Variants in ESRRG observed in about 807,000 individuals in gnomAD.
The protein encoded by ESRRG is estrogen-related receptor gamma.
In ESRRG, 13 loss-of-function variants were observed where a neutral mutation model predicts 44.0. That is an observed-to-expected ratio of 0.30 (90% CI 0.19 to 0.47). ESRRG has a LOEUF of 0.47. ESRRG is among the 20% of genes least tolerant of loss of function. ESRRG has a pLI of 1.00. For missense variants in ESRRG, 395 were observed against 580.6 expected, an observed-to-expected ratio of 0.68 and a Z score of 3.29; for synonymous variants, 215 against 214.6, an observed-to-expected ratio of 1.00 and a Z score of -0.02.
At chr1:216,874,947 G>T (rs890830189) in intron 2 of ESRRG, among the ~76,000 whole-genome samples, 5 of 152,130 alleles carry the variant, frequency 3.3e-5, no homozygotes, top group African/African-American at 1.2e-4. Flanking sequence ...TTATACCAGT[G>T]GTTTGCCAGG....
At chr1:216,967,731 C>T (rs1033430492) in intron 1 of ESRRG, among the ~76,000 whole-genome samples, 4 of 152,150 alleles carry the variant, frequency 2.6e-5, no homozygotes, top group Non-Finnish European at 5.9e-5. Context: ...CACAAGTTTT[C>T]AGCTTATTTA....
At chr1:216,825,279 A>C (rs2148665560) in intron 2 of ESRRG, among the ~76,000 whole-genome samples, 1 of 152,334 alleles carries the variant, frequency 6.6e-6, no homozygotes, top group South Asian at 2.1e-4. Context: ...CATTGGCCTA[A>C]GCCTCAGAAG....
At chr1:216,533,360 T>A (rs2049983078) in intron 5 of ESRRG, among the ~76,000 whole-genome samples, 1 of 152,120 alleles carries the variant, frequency 6.6e-6, no homozygotes, top group South Asian at 2.1e-4. Flanking sequence ...GGGATGCCTG[T>A]CAAAACTGTA....
In ESRRG at chr1:216,527,609, A is replaced by T. The variant is rs1165941664; in HGVS notation, c.863-8188T>A. 2.6e-5 allele frequency among the ~76,000 whole-genome samples: 4 copies of T among 152,000 alleles called. No individual in the cohort carries two copies. The East Asian group carries it at 7.7e-4, about 29-fold the overall frequency. On this transcript the variant is annotated intron_variant, in intron 5 of 6. Coordinates refer to ENST00000408911, the MANE Select transcript of ESRRG (RefSeq NM_001438.4). ...TCATTTTCCTAATCCTAATGTCAAAACCTACAGCTCCACTATTTCCCTAAG... is the reference window on the plus strand; with the variant it reads ...TCATTTTCCTAATCCTAATGTCAAATCCTACAGCTCCACTATTTCCCTAAG...
intron 3 of ESRRG, among the ~76,000 whole-genome samples, chr1:216,622,609 T>TATACACACACACACACACACAC (rs147309378): frequency 6.6e-6 from 1 of 150,824 alleles, no homozygotes. Flanking sequence ...AAATGAAAAT[T>TATACACACACACACACACACAC]ACACACACGC....
chr1:217,133,645 C>CTCTCTCTCTCTTTCTTTCTT (rs1266397788), intron 1 of ESRRG, among the ~76,000 whole-genome samples: 69 of 91,772 alleles, frequency 7.5e-4, no homozygotes, highest in Non-Finnish European at 1.1e-3. Flanking sequence ...CTCTCTCTCT[C>CTCTCTCTCTCTTTCTTTCTT]TCTTTCTTTC....
intron 2 of ESRRG, among the ~76,000 whole-genome samples, chr1:216,857,397 C>T (rs9660947): frequency 0.036 from 5,386 of 151,280 alleles, 295 homozygotes; most frequent in African/African-American, 0.11. Flanking sequence ...TTAAAAAATA[C>T]GCTTTGCTGA....
intron 1 of ESRRG, among the ~76,000 whole-genome samples, chr1:216,711,696 A>G (rs1348888939): frequency 1.3e-5 from 2 of 152,214 alleles, no homozygotes; most frequent in Non-Finnish European, 2.9e-5. Context: ...TATACTTGGC[A>G]GCTCTGTAAT....
At chr1:216,591,581 C>T (rs2057673176) in intron 3 of ESRRG, among the ~76,000 whole-genome samples, 1 of 152,152 alleles carries the variant, frequency 6.6e-6, no homozygotes, top group African/African-American at 2.4e-5. Context: ...TTTTATACCA[C>T]AAATAAATAA....
At chr1:216,620,686 G>A (rs1295111962) in intron 3 of ESRRG, among the ~76,000 whole-genome samples, 1 of 152,136 alleles carries the variant, frequency 6.6e-6, no homozygotes, top group East Asian at 1.9e-4. Flanking sequence ...TGTGACCCAG[G>A]ACGATGCTTA....
At chr1:217,067,855 A>C (rs909747231) in intron 1 of ESRRG, among the ~76,000 whole-genome samples, 4 of 152,166 alleles carry the variant, frequency 2.6e-5, no homozygotes, top group Admixed American at 6.5e-5. Flanking sequence ...GGGAAAAAAA[A>C]CCCCACAACA....
chr1:217,080,669 T>C (rs1252215722), intron 1 of ESRRG, among the ~76,000 whole-genome samples: 1 of 95,868 alleles, frequency 1.0e-5, no homozygotes, highest in Non-Finnish European at 2.3e-5. Flanking sequence ...TTTGTTTTTT[T>C]GGTTTTTTTT....
chr1:216,969,043 A>C (rs1203103563), intron 1 of ESRRG, among the ~76,000 whole-genome samples: 1 of 152,206 alleles, frequency 6.6e-6, no homozygotes, highest in Non-Finnish European at 1.5e-5. Context: ...TAACTCCTTT[A>C]GAAATCTCAG....
At chr1:216,780,092 G>A (rs916879225) in intron 2 of ESRRG, among the ~76,000 whole-genome samples, 1 of 151,502 alleles carries the variant, frequency 6.6e-6, no homozygotes, top group African/African-American at 2.4e-5. Flanking sequence ...AAAAGAAAAA[G>A]AAAAGTATGT....
chr1:216,530,129 A>G (rs910134002), intron 5 of ESRRG, among the ~76,000 whole-genome samples: 1 of 150,572 alleles, frequency 6.6e-6, no homozygotes, highest in African/African-American at 2.5e-5. Flanking sequence ...AAAAAAAAAA[A>G]AAAAGGGGGT....
intron 3 of ESRRG, among the ~76,000 whole-genome samples, chr1:216,579,141 C>A (rs1054671187): frequency 3.3e-5 from 5 of 152,166 alleles, no homozygotes; most frequent in African/African-American, 1.2e-4. Context: ...AATCTCAATT[C>A]TATCTGGTTT....
intron 2 of ESRRG, among the ~76,000 whole-genome samples, chr1:216,844,449 G>A (rs1026153779): frequency 1.3e-4 from 20 of 152,024 alleles, no homozygotes; most frequent in Non-Finnish European, 5.9e-5. Context: ...CCCCACTTGA[G>A]TCTAAAAGGT....
intron 1 of ESRRG, among the ~76,000 whole-genome samples, chr1:217,079,398 G>A (rs1398699067): frequency 1.3e-5 from 2 of 152,196 alleles, no homozygotes; most frequent in African/African-American, 2.4e-5. Context: ...ACGGGAGAAT[G>A]TTCCCTTACT....
At chr1:216,588,616 G>T (rs965182785) in intron 3 of ESRRG, among the ~76,000 whole-genome samples, 3 of 152,188 alleles carry the variant, frequency 2.0e-5, no homozygotes, top group Admixed American at 6.5e-5. Context: ...TGTGCTGTAA[G>T]TATAGGATTA....
Sources: gnomAD v4.1 joint callset for allele counts (sites outside exome capture counted in the v4.1 genomes callset) on GRCh38, gnomAD v4.1.1 for gene constraint, MANE v1.5 for transcripts, NCBI Gene and HGNC (gene_info 2026-07-23, HGNC 2026-07-21) for gene names.